Variants in DNAH7 observed in about 807,000 individuals in gnomAD.
The protein encoded by DNAH7 is dynein axonemal heavy chain 7, also known as axonemal beta dynein heavy chain 7.
Under a neutral mutation model 444.6 loss-of-function variants are expected in DNAH7, and 397 were observed. That is an observed-to-expected ratio of 0.89 (90% confidence interval 0.82 to 0.97). The LOEUF (loss-of-function observed/expected upper bound fraction) is 0.97, where lower values mean the gene tolerates loss of function less well. DNAH7 is among the 50% of genes least tolerant of loss of function. DNAH7 has a pLI of 0.00. For synonymous variants in DNAH7, 1,636 were observed against 1,624.4 expected, an observed-to-expected ratio of 1.01 and a Z score of -0.17; for missense variants, 4,902 against 4,800.8, an observed-to-expected ratio of 1.02 and a Z score of -0.62.
chr2:195,834,582 T>C (rs1273918343), intron 47 of DNAH7, among the ~76,000 whole-genome samples: 1 of 152,236 alleles, frequency 6.6e-6, no homozygotes, highest in Non-Finnish European at 1.5e-5. Flanking sequence ...GCACAAGTTA[T>C]TATACTCTTT....
chr2:196,067,141 A>G (rs1271507820), intron 1 of DNAH7, among the ~76,000 whole-genome samples: 1 of 152,220 alleles, frequency 6.6e-6, no homozygotes, highest in Non-Finnish European at 1.5e-5. Context: ...AGCAAAATTT[A>G]GAACTTAACG....
chr2:195,797,062 G>T (rs1696181093), intron 55 of DNAH7, among the ~76,000 whole-genome samples: 1 of 152,174 alleles, frequency 6.6e-6, no homozygotes. Flanking sequence ...TGGCAGTCTT[G>T]CAGCAACTCC....
intron 16 of DNAH7, 59 bp downstream of exon 16, chr2:195,972,182 AT>A: frequency 7.1e-7 from 1 of 1,406,578 alleles, no homozygotes; most frequent in South Asian, 1.3e-5. Flanking sequence ...ACAATGCTAC[AT>A]AAAAAGATAA....
At chr2:195,827,190 C>A (rs748371087) in intron 48 of DNAH7, among the ~76,000 whole-genome samples, 1 of 152,274 alleles carries the variant, frequency 6.6e-6, no homozygotes, top group East Asian at 1.9e-4. Context: ...GCACTCATTG[C>A]CACATGTGCT....
At chr2:195,845,634 C>G (rs1028361528) in intron 46 of DNAH7, among the ~76,000 whole-genome samples, 1 of 152,114 alleles carries the variant, frequency 6.6e-6, no homozygotes, top group African/African-American at 2.4e-5. Flanking sequence ...GCTCCAATAA[C>G]CAAAACAGCA....
rs1183350022 is a variant in DNAH7 at position 196,051,769 on chromosome 2, G to GA, written c.79-521dup. 4.0e-5 allele frequency among the ~76,000 whole-genome samples: 6 copies of GA among 150,410 alleles called. No individual in the cohort carries two copies. The East Asian group carries it at 7.8e-4, about 19-fold the overall frequency. On this transcript the variant is annotated intron_variant, in intron 2 of 64. Coordinates refer to ENST00000312428, the MANE Select transcript of DNAH7 (RefSeq NM_018897.3). ...GCGACAGAGCAACACTCTGTCTCAA[G>GA]AAAAAAAAATAAATAAAAAATAACA...
chr2:195,886,984 TAG>T (rs979194481), intron 33 of DNAH7, among the ~76,000 whole-genome samples: 63 of 152,280 alleles, frequency 4.1e-4, no homozygotes, highest in African/African-American at 1.5e-3. Context: ...GCCACCCCAG[TAG>T]AAACATCAGA....
At chr2:196,062,496 C>G (rs1245838684) in intron 1 of DNAH7, among the ~76,000 whole-genome samples, 1 of 152,202 alleles carries the variant, frequency 6.6e-6, no homozygotes, top group Non-Finnish European at 1.5e-5. Flanking sequence ...TTGAGATTTT[C>G]TAATAAATTT....
intron 10 of DNAH7, among the ~76,000 whole-genome samples, chr2:196,009,533 G>T (rs895681548): frequency 1.3e-5 from 2 of 152,172 alleles, no homozygotes; most frequent in Non-Finnish European, 2.9e-5. Flanking sequence ...AATAAGCATT[G>T]CTAGAAACAT....
At position 195,860,163 on chromosome 2, in the gene DNAH7, A is replaced by G. The variant is rs180881435; in HGVS notation, c.7737-1359T>C. On this transcript the variant is annotated intron_variant, in intron 42 of 64. Coordinates refer to ENST00000312428, the MANE Select transcript of DNAH7 (RefSeq NM_018897.3). ...ACTTTCAACCTGTAAGTTTGAACTT[A>G]TAACTTTGTAACTTTAAAACTTATA... Among the ~76,000 whole-genome samples the G allele has an allele frequency of 1.1e-4, 16 of 152,330 alleles. No homozygotes were observed. The East Asian group carries it at 3.1e-3, about 29-fold the overall frequency.
intron 46 of DNAH7, among the ~76,000 whole-genome samples, chr2:195,852,641 A>C (rs757087076): frequency 6.6e-6 from 1 of 152,138 alleles, no homozygotes; most frequent in African/African-American, 2.4e-5. Context: ...TAAAAAGTGG[A>C]AGAGAAAGGC....
At chr2:195,919,015 C>T (rs1256230481) in intron 24 of DNAH7, among the ~76,000 whole-genome samples, 1 of 151,964 alleles carries the variant, frequency 6.6e-6, no homozygotes, top group East Asian at 1.9e-4. Context: ...CTTTGGGAGC[C>T]CGAGGCTGGC....
intron 8 of DNAH7, among the ~76,000 whole-genome samples, chr2:196,020,619 T>G (rs1179162517): frequency 1.3e-5 from 2 of 151,054 alleles, no homozygotes; most frequent in Admixed American, 6.6e-5. Flanking sequence ...TTTGTTTTTT[T>G]TTTTTTTTTG....
At chr2:195,926,932 T>C (rs1688370931) in intron 21 of DNAH7, among the ~76,000 whole-genome samples, 1 of 151,964 alleles carries the variant, frequency 6.6e-6, no homozygotes, top group Admixed American at 6.6e-5. Context: ...CAAAATGAGA[T>C]CCATCAAATT....
intron 40 of DNAH7, among the ~76,000 whole-genome samples, chr2:195,867,118 A>G (rs1306785177): frequency 6.6e-6 from 1 of 152,180 alleles, no homozygotes; most frequent in African/African-American, 2.4e-5. Context: ...GGACTAATAC[A>G]GGTACAACAA....
intron 58 of DNAH7, among the ~76,000 whole-genome samples, chr2:195,786,683 T>C (rs7591907): frequency 0.15 from 23,498 of 151,840 alleles, 2,199 homozygotes; most frequent in African/African-American, 0.26. Context: ...GTTTGTTTTT[T>C]ACATTTTGGA....
chr2:195,824,102 A>T (rs1244834330), intron 49 of DNAH7, among the ~76,000 whole-genome samples, 153 bp downstream of exon 49: 1 of 152,162 alleles, frequency 6.6e-6, no homozygotes, highest in Non-Finnish European at 1.5e-5. Context: ...CCAATGCAAC[A>T]TTTGGAAATT....
intron 3 of DNAH7, among the ~76,000 whole-genome samples, chr2:196,049,708 G>A (rs771107539): frequency 6.6e-6 from 1 of 152,162 alleles, no homozygotes; most frequent in African/African-American, 2.4e-5. Flanking sequence ...AGCCAAATAT[G>A]AATACAAAAC....
rs1269146236 is a variant in DNAH7, at chr2:195,816,851, T to C, written c.9538A>G (p.Asn3180Asp). ...ACTTCCTGCTTCTGAGAAATCTCATTAGCCAAGGCCTTGGAGGAAGATAAT... is the reference window on the plus strand; with the variant it reads ...ACTTCCTGCTTCTGAGAAATCTCATCAGCCAAGGCCTTGGAGGAAGATAAT... ...KILSSSKALA[N>D]EISQKQEVAE... is the part of the protein sequence containing the mutation. Residue 3180 changes from asparagine (N) to aspartate (D), a missense_variant, in exon 51 of 65, where the codon AAT becomes GAT. Coordinates refer to ENST00000312428, the MANE Select transcript of DNAH7 (RefSeq NM_018897.3). 1.2e-6 allele frequency: 2 copies of C among 1,614,138 alleles called. No individual in the cohort carries two copies. The highest frequency in any genetic ancestry group is 1.7e-5 in the Admixed American group (1 of 60,032).
Sources: allele counts gnomAD v4.1 joint callset (sites outside exome capture counted in the v4.1 genomes callset), GRCh38; gene constraint gnomAD v4.1.1; transcripts MANE v1.5; gene names NCBI Gene and HGNC (gene_info 2026-07-23, HGNC 2026-07-21).